STOX2: variants seen among roughly 807,000 people sequenced by gnomAD.
STOX2 encodes storkhead-box protein 2.
Under a neutral mutation model 60.9 loss-of-function variants are expected in STOX2, and 28 were observed. The observed-to-expected ratio is 0.46, with a 90% CI of 0.34 to 0.63. The LOEUF is 0.63. Among genes scored for constraint, STOX2 ranks in the 30% least tolerant of loss-of-function variants. The pLI, the probability that STOX2 is intolerant of heterozygous loss-of-function variation, is 0.01. For synonymous variants in STOX2, 472 were observed against 463.9 expected (o/e 1.02, Z -0.22); for missense variants, 1,024 against 1,187.7 (o/e 0.86, Z 2.03).
intron 1 of STOX2, among the ~76,000 whole-genome samples, chr4:183,947,084 GGT>G (rs70959159): frequency 0.75 from 111,526 of 149,350 alleles, 44,229 homozygotes; most frequent in Non-Finnish European, 0.9. Flanking sequence ...CCTGGTGGGG[GGT>G]GGGGCAAGGG....
At position 183,998,404 on chromosome 4, in the gene STOX2, T is replaced by C. The variant is rs62339732; in HGVS notation, c.167-2921T>C. On this transcript the variant is annotated intron_variant, in intron 1 of 3. Coordinates refer to ENST00000308497, the MANE Select transcript of STOX2 (RefSeq NM_020225.3). ...GGAGGTGGAGTGAGAGAGAAGGAAC[T>C]ACAGGCCGGTGTCTCAGACTGTCTG... 6.6e-3 allele frequency among the ~76,000 whole-genome samples: 1,001 copies of C among 152,296 alleles called. 7 individuals are homozygous for C. Among genetic ancestry groups the C allele is most frequent in the Non-Finnish European group, 0.012 (796 of 68,022 alleles).
At chr4:183,851,309 G>T (rs1401390118) in intron 1 of STOX2, among the ~76,000 whole-genome samples, 2 of 75,112 alleles carry the variant, frequency 2.7e-5, no homozygotes, top group Non-Finnish European at 6.3e-5. Flanking sequence ...ATGAGGGAAA[G>T]GATGAGGGAA....
intron 1 of STOX2, among the ~76,000 whole-genome samples, chr4:183,966,934 A>G (rs1743589832): frequency 6.6e-6 from 1 of 152,184 alleles, no homozygotes. Context: ...GATTTCATTC[A>G]TGAAATGGAG....
rs1385457148 is a variant in STOX2 at position 183,821,202 on chromosome 4, G to T, written c.364+23147G>T. Among the ~76,000 whole-genome samples, 1 of 152,216 alleles carries T rather than the reference G, an allele frequency of 6.6e-6. No homozygotes were observed. The highest frequency in any genetic ancestry group is 1.5e-5 in the Non-Finnish European group (1 of 68,038). Reference sequence around the variant, plus strand: ...CCTTTCCTGATGCCAATCTAATATAGCATAACGACTTAATTTTGCTCTTGA... The same window carrying T: ...CCTTTCCTGATGCCAATCTAATATATCATAACGACTTAATTTTGCTCTTGA... On this transcript the variant is annotated intron_variant, in intron 1 of 2. Transcript: ENST00000513034. This position sits in a 1 kb window ranked among gnomAD's most constrained non-coding sequence, Gnocchi z 4.2.
At chr4:183,940,160 C>T (rs139041818) in intron 1 of STOX2, among the ~76,000 whole-genome samples, 15 of 152,338 alleles carry the variant, frequency 9.8e-5, no homozygotes, top group Non-Finnish European at 1.9e-4. Context: ...GCCTTGACCT[C>T]CCAAAGTGCT....
intron 1 of STOX2, among the ~76,000 whole-genome samples, chr4:183,919,619 GT>G (rs1401611483): frequency 6.6e-6 from 1 of 152,094 alleles, no homozygotes; most frequent in Non-Finnish European, 1.5e-5. Flanking sequence ...TATTGGGATT[GT>G]TTTTTAAGAT....
At chr4:183,838,102 A>G (rs1288682074) in intron 1 of STOX2, among the ~76,000 whole-genome samples, 2 of 151,788 alleles carry the variant, frequency 1.3e-5, no homozygotes, top group Admixed American at 6.6e-5. Flanking sequence ...TGTTAAATTT[A>G]TCTCCTTTTT....
rs1740988113 is a variant in STOX2 at position 183,882,903 on chromosome 4, A to G, written c.364+84848A>G. On this transcript the variant is annotated intron_variant, in intron 1 of 2. Coordinates refer to the STOX2 transcript ENST00000513034. ...GTAGCTTACTTCTGAACAGGATTTA[A>G]TGATATTCTTTACCTCTGTCCAGAT... 2.0e-5 allele frequency among the ~76,000 whole-genome samples: 3 copies of G among 152,344 alleles called. No individual in the cohort carries two copies. The South Asian group carries it at 6.2e-4, about 32-fold the overall frequency.
At chr4:183,986,654 G>A (rs1343503586) in intron 1 of STOX2, among the ~76,000 whole-genome samples, 1 of 152,270 alleles carries the variant, frequency 6.6e-6, no homozygotes, top group Non-Finnish European at 1.5e-5. Flanking sequence ...AGTGTTTGTA[G>A]CTATCGGATG....
chr4:183,813,196 C>T (rs968682455), intron 1 of STOX2, among the ~76,000 whole-genome samples: 1 of 152,068 alleles, frequency 6.6e-6, no homozygotes, highest in South Asian at 2.1e-4. Context: ...CCAGTGTGTC[C>T]ACATGGTGAA....
At chr4:183,900,069 C>T (rs1010571827) in intron 1 of STOX2, among the ~76,000 whole-genome samples, 2 of 152,156 alleles carry the variant, frequency 1.3e-5, no homozygotes, top group Non-Finnish European at 2.9e-5. Context: ...AACAACAAAG[C>T]CTGGATGACA....
intron 1 of STOX2, among the ~76,000 whole-genome samples, chr4:183,920,842 T>C (rs1742080029): frequency 6.6e-6 from 1 of 152,212 alleles, no homozygotes; most frequent in Non-Finnish European, 1.5e-5. Flanking sequence ...ACATCCCTGA[T>C]TCCTGGAGAA....
intron 1 of STOX2, among the ~76,000 whole-genome samples, chr4:183,909,358 T>C (rs78320132): frequency 0.057 from 8,610 of 152,318 alleles, 688 homozygotes; most frequent in African/African-American, 0.17. Context: ...TCACATAAAA[T>C]ATTGAGTAGA....
chr4:183,870,270 G>A (rs971852233), intron 1 of STOX2, among the ~76,000 whole-genome samples: 1 of 152,190 alleles, frequency 6.6e-6, no homozygotes, highest in South Asian at 2.1e-4. Context: ...ATTGTGTTTT[G>A]TATAAAAGTG....
chr4:184,010,398 C>T lies in STOX2; in HGVS notation c.1560C>T (p.Asp520=). ...EDLAEGCSQD[D]QTPSQSYIDD... ...TTGCTGAAGGCTGCAGCCAAGACGA[C>T]CAGACCCCCAGCCAATCCTACATTG... The change falls in exon 3 of 4, where the codon GAC becomes GAT. Residue 520 remains aspartate (D), a synonymous_variant. Transcript: ENST00000308497. This position sits in a 1 kb window ranked among gnomAD's most constrained non-coding sequence, Gnocchi z 4.5. 1 of 1,613,630 alleles carries T rather than the reference C, an allele frequency of 6.2e-7. No individual in the cohort carries two copies. Among genetic ancestry groups the T allele is most frequent in the South Asian group, 1.1e-5 (1 of 90,914 alleles).
intron 2 of STOX2, among the ~76,000 whole-genome samples, chr4:184,008,282 C>T (rs1338634090): frequency 6.6e-6 from 1 of 152,206 alleles, no homozygotes; most frequent in Non-Finnish European, 1.5e-5. Context: ...AATTTATGCT[C>T]TTAATTCTGT....
intron 1 of STOX2, among the ~76,000 whole-genome samples, chr4:183,839,518 C>A (rs2111129179): frequency 6.6e-6 from 1 of 152,294 alleles, no homozygotes; most frequent in East Asian, 1.9e-4. Flanking sequence ...ATCCGCTGTT[C>A]CTTTTAGAAC....
chr4:183,839,087 T>A (rs1377956168), intron 1 of STOX2, among the ~76,000 whole-genome samples: 4 of 151,626 alleles, frequency 2.6e-5, no homozygotes, highest in Non-Finnish European at 5.9e-5. Flanking sequence ...CAGGCCAGGT[T>A]GGAGACCCAG....
chr4:183,934,435 A>G (rs972238075), intron 1 of STOX2, among the ~76,000 whole-genome samples: 2 of 152,238 alleles, frequency 1.3e-5, no homozygotes, highest in Non-Finnish European at 2.9e-5. Flanking sequence ...GAATTATTCA[A>G]GCAATTGGAT....
Sources: gnomAD v4.1 joint callset for allele counts (sites outside exome capture counted in the v4.1 genomes callset) on GRCh38, gnomAD v4.1.1 for gene constraint, Gnocchi (gnomAD v3.1) non-coding constraint, MANE v1.5 for transcripts, NCBI Gene and HGNC (gene_info 2026-07-23, HGNC 2026-07-21) for gene names.